The following ZNF425 variants were observed in gnomAD, a reference collection of about 807,000 sequenced individuals.
ZNF425 encodes zinc finger protein 425.
Under a neutral mutation model 17.0 loss-of-function variants are expected in ZNF425, and 21 were observed. The observed-to-expected ratio is 1.23, with a 90% CI of 0.88 to 1.78. The LOEUF is 1.78. Among genes scored for constraint, ZNF425 ranks in the 40% most tolerant of loss-of-function variants. The probability of loss-of-function intolerance (pLI) is 0.00; values close to 1 mark genes in which losing one functional copy is unlikely to be tolerated. For missense variants in ZNF425, 868 were observed against 967.3 expected (o/e 0.90, Z 1.36); for synonymous variants, 433 against 384.1 (o/e 1.13, Z -1.49).
rs1353327645 is a variant in ZNF425, at chr7:149,104,812, G to T, written c.1059C>A (p.Ser353Arg). The change falls in exon 4 of 4, where the codon AGC (serine) becomes AGA (arginine). Residue 353 changes from serine to arginine, a missense_variant. Coordinates refer to ENST00000378061, the MANE Select transcript of ZNF425 (RefSeq NM_001001661.3). This position sits in a 1 kb window ranked among gnomAD's most constrained non-coding sequence, Gnocchi z 4.3. The part of the protein sequence containing the change: ...RGMKVHLTQH[S>R]GKRPFHCPEC... Reference sequence around the variant, plus strand: ...CGGGACAGTGGAAGGGCCTCTTCCCGCTGTGCTGGGTCAGATGGACCTTCA... The same window carrying T: ...CGGGACAGTGGAAGGGCCTCTTCCCTCTGTGCTGGGTCAGATGGACCTTCA... The T allele has an allele frequency of 6.2e-7, 1 of 1,613,748 alleles. No homozygotes were observed.
chr7:149,119,957 A>T (rs1440975488), intron 1 of ZNF425, among the ~76,000 whole-genome samples: 2 of 152,178 alleles, frequency 1.3e-5, no homozygotes, highest in Non-Finnish European at 2.9e-5. Flanking sequence ...TTGAGCATCC[A>T]TGGATTTTGG....
intron 2 of ZNF425, among the ~76,000 whole-genome samples, chr7:149,115,453 A>AGACCACCCTGGCCAACAT (rs369047667): frequency 2.4e-4 from 36 of 151,222 alleles, no homozygotes; most frequent in African/African-American, 7.5e-4. Flanking sequence ...CAGGAGTTCG[A>AGACCACCCTGGCCAACAT]GACCACCCTG....
chr7:149,111,175 C>T (rs375552547), intron 3 of ZNF425, among the ~76,000 whole-genome samples: 3 of 151,794 alleles, frequency 2.0e-5, no homozygotes, highest in Admixed American at 1.3e-4. Flanking sequence ...CCACACCAGG[C>T]ATGGTGGCTC....
At position 149,104,699 on chromosome 7, in the gene ZNF425, C is replaced by A; in HGVS notation, c.1172G>T (p.Cys391Phe). The change falls in exon 4 of 4, where the codon TGT becomes TTT. Residue 391 changes from cysteine to phenylalanine, a missense_variant. Cys to Phe is a radical substitution (Grantham distance 205). Transcript: ENST00000378061. The surrounding 1 kb of genome is among the most constrained non-coding windows in gnomAD (Gnocchi z 4.3). ...SEEKPFSCGECGRKFIYKIKL... is the reference protein window; with the variant it reads ...SEEKPFSCGEFGRKFIYKIKL... Reference sequence around the variant, plus strand: ...AATCTTGTAGATGAATTTCCTGCCACATTCACCACAAGAAAACGGCTTTTC... The same window carrying A: ...AATCTTGTAGATGAATTTCCTGCCAAATTCACCACAAGAAAACGGCTTTTC... 1 of 1,613,884 alleles carries A rather than the reference C, an allele frequency of 6.2e-7. No homozygotes were observed. The highest frequency in any genetic ancestry group is 1.1e-5 in the South Asian group (1 of 91,088).
chr7:149,116,571 C>T (rs1048036417), intron 2 of ZNF425, among the ~76,000 whole-genome samples: 2 of 152,178 alleles, frequency 1.3e-5, no homozygotes, highest in Admixed American at 1.3e-4. Context: ...TAGTGTCTCT[C>T]CTTTCATTGC....
intron 3 of ZNF425, among the ~76,000 whole-genome samples, chr7:149,109,539 C>G (rs1180820906): frequency 6.6e-6 from 1 of 152,110 alleles, no homozygotes; most frequent in South Asian, 2.1e-4. Context: ...GCTCTCTCTC[C>G]TCCGCTCCTT....
Position 149,126,197 on chromosome 7 carries a change from G to A in ZNF425, c.17C>T (p.Ser6Leu), listed in dbSNP as rs1563150458. MAEPA[S>L]VTVTFDDVAL... is the part of the protein sequence containing the mutation. The stretch of plus-strand genomic sequence containing the variant: ...GCATCCTCCACCGGCCCTTCTTACC[G>A]AAGCCGGCTCGGCCATGGCGGTTCC... Residue 6 changes from serine (S) to leucine (L), a missense_variant and splice_region_variant, in exon 1 of 4, where the codon TCG becomes TTG. Around this residue, in one of 5 missense-constraint regions of ZNF425, gnomAD observed 179 missense variants for 216.3 expected, o/e 0.83. Transcript: ENST00000378061. 7 of 1,612,978 alleles carry A rather than the reference G, an allele frequency of 4.3e-6. No individual in the cohort carries two copies. Among genetic ancestry groups the A allele is most frequent in the Non-Finnish European group, 5.1e-6 (6 of 1,179,628 alleles).
Position 149,103,669 on chromosome 7 carries a change from C to G in ZNF425, c.2202G>C (p.Val734=), listed in dbSNP as rs1481824183. The part of the protein sequence containing the change: ...CDECGRSFTY[V]GALKTHIAVH... ...CTGCAATGTGGGTCTTGAGCGCCCC[C>G]ACGTACGTGAAGCTCCTTCCACACT... is the stretch of plus-strand genomic sequence containing the variant. Residue 734 remains valine, a synonymous_variant, in exon 4 of 4, where the codon GTG becomes GTC. Transcript: ENST00000378061. 6.2e-7 allele frequency: 1 copy of G among 1,613,974 alleles called. No homozygotes were observed. The highest frequency in any genetic ancestry group is 8.5e-7 in the Non-Finnish European group (1 of 1,179,968).
In ZNF425 at chr7:149,104,344, C is replaced by T; in HGVS notation, c.1527G>A (p.Gln509=). 6.2e-7 allele frequency: 1 copy of T among 1,613,092 alleles called. No homozygotes were observed. Among genetic ancestry groups the T allele is most frequent in the Non-Finnish European group, 8.5e-7 (1 of 1,179,846 alleles). The change falls in exon 4 of 4, where the codon CAG becomes CAA. Residue 509 remains glutamine (Q), a synonymous_variant. Coordinates refer to ENST00000378061, the MANE Select transcript of ZNF425 (RefSeq NM_001001661.3). This position sits in a 1 kb window ranked among gnomAD's most constrained non-coding sequence, Gnocchi z 4.3. The part of the protein sequence containing the change: ...PCGECKKTFS[Q]QSRLTQHLKV... ...TCAGGTGCTGCGTGAGCCGCGACTG[C>T]TGAGAAAAGGTCTTTTTGCACTCGC...
rs1202671618 is a variant in ZNF425, at chr7:149,105,097, C to T, written c.774G>A (p.Lys258=). ...CSECEKSYFL[K]GSLVTHQVVH... ...CAACCTGATGAGTGACGAGGCTGCCCTTCAGGAAGTAGCTCTTCTCACACT... is the reference window on the plus strand; with the variant it reads ...CAACCTGATGAGTGACGAGGCTGCCTTTCAGGAAGTAGCTCTTCTCACACT... Residue 258 remains lysine, a synonymous_variant, in exon 4 of 4, where the codon AAG becomes AAA. Transcript: ENST00000378061. 1.9e-6 allele frequency: 3 copies of T among 1,614,208 alleles called. No individual in the cohort carries two copies. In the Admixed American group the frequency reaches 5.0e-5, roughly 27 times the overall value.
intron 2 of ZNF425, among the ~76,000 whole-genome samples, chr7:149,114,703 T>A (rs1826230633): frequency 1.3e-5 from 2 of 151,258 alleles, no homozygotes; most frequent in South Asian, 4.2e-4. Context: ...GGCCCAATAT[T>A]TCACAAAATA....
rs1473597819 is a variant in ZNF425 at position 149,103,942 on chromosome 7, G to A, written c.1929C>T (p.Cys643=). The A allele has an allele frequency of 5.6e-6, 9 of 1,614,046 alleles. No individual in the cohort carries two copies. In the East Asian group the frequency reaches 6.7e-5, roughly 12 times the overall value. The change falls in exon 4 of 4, where the codon TGC becomes TGT. Residue 643 remains cysteine (C), a synonymous_variant. Transcript: ENST00000378061. ...GGTACTGTTGAGTGAAACTTTTGCC[G>A]CACATCACACAAGAGAATGGCTTTT... ...SGQKPFSCVM[C]GKSFTQQYRL...
At chr7:149,124,345 G>A (rs1371927238) in intron 1 of ZNF425, among the ~76,000 whole-genome samples, 3 of 131,602 alleles carry the variant, frequency 2.3e-5, no homozygotes, top group African/African-American at 5.7e-5. Context: ...TTAGTAGAGA[G>A]GGAGTTTCAC....
At chr7:149,112,955 G>A (rs967092459) in intron 2 of ZNF425, among the ~76,000 whole-genome samples, 20 of 149,224 alleles carry the variant, frequency 1.3e-4, no homozygotes, top group Non-Finnish European at 2.7e-4. Context: ...GTGAGCCACC[G>A]CGCCCAGCCC....
chr7:149,122,527 T>C (rs1342991069), intron 1 of ZNF425, among the ~76,000 whole-genome samples: 1 of 152,126 alleles, frequency 6.6e-6, no homozygotes, highest in African/African-American at 2.4e-5. Flanking sequence ...AAAAAGCAAG[T>C]TTTAAATTTT....
At position 149,111,318 on chromosome 7, in the gene ZNF425, G is replaced by A. The variant is rs1439205904; in HGVS notation, c.304+819C>T. Among the ~76,000 whole-genome samples the A allele has an allele frequency of 4.0e-5, 6 of 150,542 alleles. No individual in the cohort carries two copies. The South Asian group carries it at 6.3e-4, about 16-fold the overall frequency. On this transcript the variant is annotated intron_variant, in intron 3 of 3. Coordinates refer to ENST00000378061, the MANE Select transcript of ZNF425 (RefSeq NM_001001661.3). ...ACAAAAAATTAGCCGGGTGTCGGGC[G>A]CGGTGGCTCATGCCTGTAATCCCAG...
intron 2 of ZNF425, among the ~76,000 whole-genome samples, chr7:149,115,995 C>T (rs1391153082): frequency 6.6e-6 from 1 of 152,140 alleles, no homozygotes; most frequent in Middle Eastern, 3.2e-3. Flanking sequence ...TTGGAAAAAT[C>T]TGGCTAAATT....
chr7:149,113,713 G>A lies in ZNF425; in HGVS notation c.146-1418C>T, dbSNP rs557260221. Among the ~76,000 whole-genome samples the A allele has an allele frequency of 5.3e-4, 80 of 151,298 alleles. 1 individual carries two copies. Among genetic ancestry groups the A allele is most frequent in the Non-Finnish European group, 2.7e-4 (18 of 67,752 alleles). ...ACTACAGGCGCCTGCCACCACGCCC[G>A]GCTAATGTTTTGTATTTTTAGTAGA... On this transcript the variant is annotated intron_variant, in intron 2 of 3. Transcript: ENST00000378061.
At chr7:149,125,446 G>A (rs1240642706) in intron 1 of ZNF425, among the ~76,000 whole-genome samples, 8 of 152,164 alleles carry the variant, frequency 5.3e-5, no homozygotes, top group Non-Finnish European at 1.0e-4. Flanking sequence ...CTTTCCTAGA[G>A]GGAGCGGTCT....
Sources: allele counts gnomAD v4.1 joint callset (sites outside exome capture counted in the v4.1 genomes callset), GRCh38; gene constraint gnomAD v4.1.1; regional missense constraint gnomAD v4.1.1; non-coding constraint Gnocchi (gnomAD v3.1); transcripts MANE v1.5; gene names NCBI Gene and HGNC (gene_info 2026-07-23, HGNC 2026-07-21).